Variants in CSRNP3 observed in about 807,000 individuals in gnomAD.
CSRNP3 encodes the protein cysteine and serine rich nuclear protein 3, also known as cysteine/serine-rich nuclear protein 3.
A neutral mutation model predicts 48.0 loss-of-function variants in CSRNP3; 12 were observed. That is an observed-to-expected ratio of 0.25 (90% confidence interval 0.16 to 0.41). The LOEUF (loss-of-function observed/expected upper bound fraction) is 0.41, where lower values mean the gene tolerates loss of function less well. Ranked by LOEUF, CSRNP3 falls within the 10% of genes least tolerant of loss-of-function variation. CSRNP3 has a pLI of 1.00. For synonymous variants in CSRNP3, 263 were observed against 269.7 expected, an observed-to-expected ratio of 0.98 and a Z score of 0.24; for missense variants, 580 against 724.4, an observed-to-expected ratio of 0.80 and a Z score of 2.29.
chr2:165,519,107 C>A (rs1178296679), intron 3 of CSRNP3, among the ~76,000 whole-genome samples: 2 of 152,022 alleles, frequency 1.3e-5, no homozygotes, highest in Non-Finnish European at 2.9e-5. Flanking sequence ...TCCATTACAA[C>A]CCACACCCAA....
At chr2:165,656,901 A>G (rs1314019383) in intron 4 of CSRNP3, among the ~76,000 whole-genome samples, 1 of 152,206 alleles carries the variant, frequency 6.6e-6, no homozygotes, top group African/African-American at 2.4e-5. Flanking sequence ...CCAAAGTTCA[A>G]AGGATTAGAG....
intron 4 of CSRNP3, among the ~76,000 whole-genome samples, chr2:165,617,118 A>C (rs962791667): frequency 6.6e-6 from 1 of 152,018 alleles, no homozygotes; most frequent in African/African-American, 2.4e-5. Context: ...AGTTTCTTTA[A>C]GACCATTATT....
At chr2:165,624,496 G>C (rs1194311800) in intron 4 of CSRNP3, among the ~76,000 whole-genome samples, 2 of 152,102 alleles carry the variant, frequency 1.3e-5, no homozygotes, top group Non-Finnish European at 2.9e-5. Context: ...CAAATATCCT[G>C]TGGGTTTATC....
Position 165,566,351 on chromosome 2 carries a change from A to G in CSRNP3, c.-23-28692A>G, listed in dbSNP as rs546302537. Among the ~76,000 whole-genome samples the G allele has an allele frequency of 3.9e-5, 6 of 151,970 alleles. No homozygotes were observed. The South Asian group carries it at 1.2e-3, about 32-fold the overall frequency. On this transcript the variant is annotated intron_variant, in intron 3 of 6. Transcript: ENST00000651982. ...TAAAAGAACTCCTACTCATTCCTGA[A>G]GATTTATTTCCCATGTCAACTCTGC...
At position 165,657,940 on chromosome 2, in the gene CSRNP3, G is replaced by A. The variant is rs189894482; in HGVS notation, c.328G>A (p.Ala110Thr). ...GCGCCAGTACACTCTTGGCGAGTTTGCAAGGGAGCAGGAGAGGCTCCACCG... is the reference window on the plus strand; with the variant it reads ...GCGCCAGTACACTCTTGGCGAGTTTACAAGGGAGCAGGAGAGGCTCCACCG... ...SVRQYTLGEF[A>T]REQERLHREM... is the part of the protein sequence containing the mutation. Residue 110 changes from alanine (A) to threonine (T), a missense_variant, in exon 5 of 7, where the codon GCA becomes ACA. Coordinates refer to ENST00000651982, the MANE Select transcript of CSRNP3 (RefSeq NM_001172173.2). 6 of 1,614,114 alleles carry A rather than the reference G, an allele frequency of 3.7e-6. No homozygotes were observed. The highest frequency in any genetic ancestry group is 4.5e-5 in the East Asian group (2 of 44,854).
At chr2:165,519,671 A>T (rs1408953573) in intron 3 of CSRNP3, among the ~76,000 whole-genome samples, 1 of 152,136 alleles carries the variant, frequency 6.6e-6, no homozygotes, top group Non-Finnish European at 1.5e-5. Context: ...TCAAGTGCCT[A>T]CTATGTGCAT....
intron 3 of CSRNP3, chr2:165,574,296 C>T: frequency 2.3e-6 from 3 of 1,309,988 alleles, no homozygotes; most frequent in Non-Finnish European, 3.2e-6. Flanking sequence ...TGGTGGAAAG[C>T]TGGATCAGTT....
In CSRNP3 at chr2:165,679,455, C is replaced by T. The variant is rs1351307025; in HGVS notation, c.1460C>T (p.Ala487Val). Reference sequence around the variant, plus strand: ...GACTATGCCCGACAAGCAGAAGAGGCCTATGGTGCCTCCCACTACCCAGCT... The same window carrying T: ...GACTATGCCCGACAAGCAGAAGAGGTCTATGGTGCCTCCCACTACCCAGCT... The part of the protein sequence containing the change: ...FVDYARQAEE[A>V]YGASHYPAAN... Residue 487 changes from alanine (A) to valine (V), a missense_variant, in exon 7 of 7, where the codon GCC becomes GTC. Around this residue, in one of 4 missense-constraint regions of CSRNP3, gnomAD observed 369 missense variants for 380.8 expected, o/e 0.97. Transcript: ENST00000651982. The T allele has an allele frequency of 6.2e-7, 1 of 1,613,232 alleles. No individual in the cohort carries two copies. The highest frequency in any genetic ancestry group is 8.5e-7 in the Non-Finnish European group (1 of 1,179,876).
chr2:165,667,073 G>GAGAGGAAGGAAGGAAGGAA, intron 5 of CSRNP3, among the ~76,000 whole-genome samples: 1 of 68,988 alleles, frequency 1.4e-5, no homozygotes, highest in Non-Finnish European at 3.9e-5. Context: ...GAAGGAAAGA[G>GAGAGGAAGGAAGGAAGGAA]AGAGAGAAAG....
At chr2:165,595,389 A>G (rs1307046003) in intron 4 of CSRNP3, among the ~76,000 whole-genome samples, 176 bp downstream of exon 4, 1 of 152,234 alleles carries the variant, frequency 6.6e-6, no homozygotes, top group Non-Finnish European at 1.5e-5. Flanking sequence ...TCCTTTATTT[A>G]GAATACTTTT....
intron 4 of CSRNP3, among the ~76,000 whole-genome samples, chr2:165,599,179 T>C (rs912181123): frequency 6.6e-6 from 1 of 151,202 alleles, no homozygotes; most frequent in Non-Finnish European, 1.5e-5. Flanking sequence ...GAGCCATGAT[T>C]GCACCACTGC....
In CSRNP3 at chr2:165,678,990, C is replaced by T. The variant is rs746206638; in HGVS notation, c.995C>T (p.Ser332Leu). The T allele has an allele frequency of 3.7e-6, 6 of 1,613,788 alleles. No individual in the cohort carries two copies. Among genetic ancestry groups the T allele is most frequent in the East Asian group, 2.2e-5 (1 of 44,816 alleles). Residue 332 changes from serine to leucine, a missense_variant, in exon 7 of 7, where the codon TCG becomes TTG. Ser to Leu is a moderately radical substitution (Grantham distance 145, BLOSUM62 -2). Around this residue, in one of 4 missense-constraint regions of CSRNP3, gnomAD observed 369 missense variants for 380.8 expected, o/e 0.97. Coordinates refer to ENST00000651982, the MANE Select transcript of CSRNP3 (RefSeq NM_001172173.2). ...EPQAAVLHLQ[S>L]AEELDCQGEE... ...CAGGCTGCAGTGCTGCACCTGCAGT[C>T]GGCTGAAGAATTAGATTGCCAAGGA...
chr2:165,546,975 A>G (rs540919465), intron 3 of CSRNP3, among the ~76,000 whole-genome samples: 2 of 152,288 alleles, frequency 1.3e-5, no homozygotes, highest in African/African-American at 4.8e-5. Flanking sequence ...ATATTTTCCA[A>G]TTGTATTACA....
At chr2:165,520,783 T>TTATATACATATATATATATTATATACA (rs1553472387) in intron 3 of CSRNP3, among the ~76,000 whole-genome samples, 2 of 29,730 alleles carry the variant, frequency 6.7e-5, no homozygotes, top group African/African-American at 5.1e-4. Context: ...TATATATATA[T>TTATATACATATATATATATTATATACA]TATATATATA....
At chr2:165,613,532 C>T (rs992444762) in intron 4 of CSRNP3, among the ~76,000 whole-genome samples, 7 of 152,004 alleles carry the variant, frequency 4.6e-5, no homozygotes, top group African/African-American at 1.7e-4. Context: ...TGGTTTTGAG[C>T]CTTATGTTTA....
chr2:165,651,951 C>T (rs751064393), intron 4 of CSRNP3, among the ~76,000 whole-genome samples: 12 of 152,068 alleles, frequency 7.9e-5, no homozygotes, highest in East Asian at 5.8e-4. Context: ...CCACTGCACC[C>T]GGCCTGAAAG....
rs150163877 is a variant in CSRNP3 at position 165,676,688 on chromosome 2, T to G, written c.705+80T>G. The G allele has an allele frequency of 4.0e-5, 53 of 1,326,076 alleles. 1 individual carries two copies. The African/African-American group carries it at 5.3e-4, about 13-fold the overall frequency. The allele number at this position is 1,326,076 out of a possible 1,614,324, so 82.1% of individuals were successfully genotyped here. On this transcript the variant is annotated intron_variant, in intron 6 of 6. Transcript: ENST00000651982. ...AAGGAGGCAGTCATGGTACCTATAA[T>G]GAAGCTTCCCACATGTAAAAGAAAA... is the stretch of plus-strand genomic sequence containing the variant.
intron 4 of CSRNP3, among the ~76,000 whole-genome samples, chr2:165,630,573 C>A (rs913780783): frequency 2.0e-5 from 3 of 152,188 alleles, no homozygotes; most frequent in African/African-American, 4.8e-5. Flanking sequence ...ACTCCTCCAG[C>A]CTGGGTCTCC....
rs920184238 is a variant in CSRNP3 at position 165,475,384 on chromosome 2, A to T, written c.-283+5644A>T. 2.0e-5 allele frequency among the ~76,000 whole-genome samples: 3 copies of T among 152,150 alleles called. No individual in the cohort carries two copies. In the East Asian group the frequency reaches 5.8e-4, roughly 29 times the overall value. On this transcript the variant is annotated intron_variant, in intron 1 of 6. Transcript: ENST00000651982. ...ATGGAAAACTGATCTTGGGGATGCC[A>T]TTATAATCCATTTTCAGAGATCTTC...
Sources: gnomAD v4.1 joint callset for allele counts (sites outside exome capture counted in the v4.1 genomes callset) on GRCh38, gnomAD v4.1.1 for gene constraint, gnomAD v4.1.1 regional missense constraint, MANE v1.5 for transcripts, NCBI Gene and HGNC (gene_info 2026-07-23, HGNC 2026-07-21) for gene names.